Variants in CTNNA3 observed in about 807,000 individuals in gnomAD.
CTNNA3 encodes the protein catenin alpha-3.
A neutral mutation model predicts 95.7 loss-of-function variants in CTNNA3; 76 were observed. The observed-to-expected ratio is 0.79, with a 90% CI of 0.66 to 0.96. The LOEUF (loss-of-function observed/expected upper bound fraction) is 0.96, where lower values mean the gene tolerates loss of function less well. CTNNA3 is among the 40% of genes least tolerant of loss of function. CTNNA3 has a pLI of 0.00. For missense variants in CTNNA3, 1,191 were observed against 1,089.8 expected (o/e 1.09, Z -1.31); for synonymous variants, 431 against 374.4 (o/e 1.15, Z -1.74).
At chr10:67,331,251 T>G (rs1037175926) in intron 5 of CTNNA3, among the ~76,000 whole-genome samples, 2 of 152,164 alleles carry the variant, frequency 1.3e-5, no homozygotes, top group Non-Finnish European at 2.9e-5. Flanking sequence ...TTTTCTTCTT[T>G]TATGGCACAA....
At chr10:66,009,189 T>C (rs901512731) in intron 15 of CTNNA3, among the ~76,000 whole-genome samples, 1 of 152,210 alleles carries the variant, frequency 6.6e-6, no homozygotes, top group Non-Finnish European at 1.5e-5. Context: ...GGATAATCAC[T>C]GATTTTATTT....
At position 67,315,964 on chromosome 10, in the gene CTNNA3, C is replaced by A. The variant is rs16924366; in HGVS notation, c.580-96094G>T. Among the ~76,000 whole-genome samples, 478 of 152,084 alleles carry A rather than the reference C, an allele frequency of 3.1e-3. 3 individuals carry two copies. Among genetic ancestry groups the A allele is most frequent in the African/African-American group, 0.011 (449 of 41,452 alleles). On this transcript the variant is annotated intron_variant, in intron 5 of 17. Transcript: ENST00000433211. The stretch of plus-strand genomic sequence containing the variant: ...AATAGAAAACAATTGAAATTGACTC[C>A]TAATAAATAGTCGTACTTGAAAGAA...
chr10:67,280,699 A>G (rs1664635495), intron 5 of CTNNA3, among the ~76,000 whole-genome samples: 1 of 152,084 alleles, frequency 6.6e-6, no homozygotes, highest in Admixed American at 6.6e-5. Flanking sequence ...TGCCCAGGCA[A>G]GAAGACCCTG....
At chr10:66,936,520 C>T (rs1003215441) in intron 7 of CTNNA3, among the ~76,000 whole-genome samples, 2 of 152,028 alleles carry the variant, frequency 1.3e-5, no homozygotes, top group Non-Finnish European at 2.9e-5. Context: ...TTTCTGCCTG[C>T]AGATCTTAAT....
intron 3 of CTNNA3, among the ~76,000 whole-genome samples, chr10:67,571,826 G>A (rs1052149374): frequency 5.9e-5 from 9 of 152,306 alleles, no homozygotes; most frequent in African/African-American, 2.2e-4. Flanking sequence ...TGCAGAGTGT[G>A]ACTGAGGATC....
chr10:66,638,421 T>A (rs898172612), intron 9 of CTNNA3, among the ~76,000 whole-genome samples: 1 of 152,108 alleles, frequency 6.6e-6, no homozygotes, highest in Non-Finnish European at 1.5e-5. Flanking sequence ...TATAATATCC[T>A]CCCGCCGCCG....
chr10:66,058,871 A>G (rs1363350885), intron 15 of CTNNA3, among the ~76,000 whole-genome samples: 2 of 152,186 alleles, frequency 1.3e-5, no homozygotes, highest in Non-Finnish European at 2.9e-5. Flanking sequence ...TAGAAAATGC[A>G]GCATACATGC....
chr10:67,518,617 T>C (rs922307310), intron 5 of CTNNA3, among the ~76,000 whole-genome samples: 4 of 152,120 alleles, frequency 2.6e-5, no homozygotes, highest in East Asian at 1.9e-4. Flanking sequence ...CCTCTGGAAA[T>C]GGATGTGTTT....
intron 7 of CTNNA3, among the ~76,000 whole-genome samples, chr10:66,977,296 T>G (rs1850098855): frequency 6.6e-6 from 1 of 151,820 alleles, no homozygotes. Flanking sequence ...ATTAGCTGGG[T>G]GTGGTGGCTG....
chr10:67,415,096 C>A (rs1370075134), intron 5 of CTNNA3, among the ~76,000 whole-genome samples: 1 of 152,148 alleles, frequency 6.6e-6, no homozygotes, highest in Non-Finnish European at 1.5e-5. Flanking sequence ...AGAACTAGAA[C>A]AAGACAAGGC....
At chr10:67,634,656 A>G (rs1839248017) in intron 2 of CTNNA3, among the ~76,000 whole-genome samples, 1 of 152,204 alleles carries the variant, frequency 6.6e-6, no homozygotes, top group African/African-American at 2.4e-5. Flanking sequence ...TGGAAAACAG[A>G]AAAAAAGCAG....
At chr10:66,123,433 T>TGC (rs1238482734) in intron 13 of CTNNA3, among the ~76,000 whole-genome samples, 1 of 152,178 alleles carries the variant, frequency 6.6e-6, no homozygotes, top group African/African-American at 2.4e-5. Flanking sequence ...CCCTCTCGAC[T>TGC]GCTTTTATGG....
intron 5 of CTNNA3, among the ~76,000 whole-genome samples, chr10:67,258,556 C>A (rs761978108): frequency 6.6e-6 from 1 of 151,994 alleles, no homozygotes; most frequent in Non-Finnish European, 1.5e-5. Context: ...TTTGTTTAGC[C>A]GACAACTTTG....
intron 5 of CTNNA3, among the ~76,000 whole-genome samples, chr10:67,239,398 A>G (rs891977117): frequency 1.3e-5 from 2 of 151,696 alleles, no homozygotes; most frequent in Admixed American, 6.6e-5. Flanking sequence ...ATAAAAGAGT[A>G]TGTATGGTTT....
In CTNNA3 at chr10:66,519,241, T is replaced by C. The variant is rs564286860; in HGVS notation, c.1531+1376A>G. Among the ~76,000 whole-genome samples the C allele has an allele frequency of 2.9e-3, 441 of 152,232 alleles. 2 individuals carry two copies. Among genetic ancestry groups the C allele is most frequent in the Non-Finnish European group, 5.3e-3 (360 of 68,024 alleles). ...AACTTGAATTATGCTTCTGAGGATATTGATTTATGAGTATCTTCACAATCC... is the reference window on the plus strand; with the variant it reads ...AACTTGAATTATGCTTCTGAGGATACTGATTTATGAGTATCTTCACAATCC... On this transcript the variant is annotated intron_variant, in intron 11 of 17. Coordinates refer to ENST00000433211, the MANE Select transcript of CTNNA3 (RefSeq NM_013266.4).
intron 1 of CTNNA3, among the ~76,000 whole-genome samples, chr10:67,694,998 T>A (rs1037086281): frequency 6.6e-6 from 1 of 152,212 alleles, no homozygotes; most frequent in Non-Finnish European, 1.5e-5. Context: ...TCTACTGAGA[T>A]AATTTTTTAT....
chr10:65,951,666 C>T (rs575437285), intron 17 of CTNNA3, among the ~76,000 whole-genome samples: 5 of 151,854 alleles, frequency 3.3e-5, no homozygotes, highest in African/African-American at 4.8e-5. Context: ...CTAAAGTCAC[C>T]GAGAGGTCAT....
At chr10:66,425,912 C>T (rs1468833281) in intron 11 of CTNNA3, among the ~76,000 whole-genome samples, 1 of 151,972 alleles carries the variant, frequency 6.6e-6, no homozygotes, top group African/African-American at 2.4e-5. Flanking sequence ...TGCTCTTTTT[C>T]CAAGGATGAC....
intron 10 of CTNNA3, among the ~76,000 whole-genome samples, chr10:66,549,001 T>C (rs1842127507): frequency 2.7e-5 from 1 of 37,094 alleles, no homozygotes; most frequent in Admixed American, 4.3e-4. Flanking sequence ...TTTTTTTTTT[T>C]TGTTTGAGAC....
Sources: gnomAD v4.1 joint callset for allele counts (sites outside exome capture counted in the v4.1 genomes callset) on GRCh38, gnomAD v4.1.1 for gene constraint, MANE v1.5 for transcripts, NCBI Gene and HGNC (gene_info 2026-07-23, HGNC 2026-07-21) for gene names.